Variants in MMAA observed in about 807,000 individuals in gnomAD.
MMAA encodes the protein methylmalonic aciduria type A protein, mitochondrial.
MMAA carries 41 observed loss-of-function variants against 45.0 expected under a neutral mutation model. The observed-to-expected ratio is 0.91, with a 90% CI of 0.71 to 1.18. The LOEUF is 1.18. Among genes scored for constraint, MMAA ranks in the 50% most tolerant of loss-of-function variants. MMAA has a pLI of 0.00. For synonymous variants in MMAA, 154 were observed against 178.2 expected, an observed-to-expected ratio of 0.86 and a Z score of 1.08; for missense variants, 460 against 495.7, an observed-to-expected ratio of 0.93 and a Z score of 0.68.
At chr4:145,628,224 T>C (rs1734244091) in intron 1 of MMAA, among the ~76,000 whole-genome samples, 1 of 152,220 alleles carries the variant, frequency 6.6e-6, no homozygotes, top group Non-Finnish European at 1.5e-5. Flanking sequence ...TTAAAAAAGA[T>C]TTTTTTGGTT....
At chr4:145,633,584 G>A (rs1419701398) in intron 1 of MMAA, among the ~76,000 whole-genome samples, 3 of 152,172 alleles carry the variant, frequency 2.0e-5, no homozygotes, top group Non-Finnish European at 2.9e-5. Context: ...TCCAGGATTG[G>A]TGCCTGGTGC....
chr4:145,640,046 G>A (rs934874129), intron 2 of MMAA, among the ~76,000 whole-genome samples: 5 of 151,802 alleles, frequency 3.3e-5, no homozygotes, highest in African/African-American at 1.2e-4. Flanking sequence ...TGAGTTTCTC[G>A]GAGTGACTGT....
Position 145,624,071 on chromosome 4 carries a change from A to G in MMAA, c.-66+4664A>G, listed in dbSNP as rs185566603. 1.1e-4 allele frequency: 96 copies of G among 836,214 alleles called. No homozygotes were observed. In the East Asian group the frequency reaches 1.8e-3, roughly 16 times the overall value. The allele number at this position is 836,214 out of a possible 1,614,324, so 51.8% of individuals were successfully genotyped here. On this transcript the variant is annotated intron_variant, in intron 1 of 6. Coordinates refer to ENST00000649156, the MANE Select transcript of MMAA (RefSeq NM_172250.3). ...AGAACTAAGCTAACTGGTCAGACCC[A>G]GAAACACAATGATTTGGCAAGCCAC...
intron 4 of MMAA, among the ~76,000 whole-genome samples, chr4:145,648,549 G>A (rs1301615561): frequency 6.6e-6 from 1 of 152,112 alleles, no homozygotes; most frequent in Admixed American, 6.5e-5. Flanking sequence ...TGAATGAAGA[G>A]TTAGTTGCCT....
In MMAA at chr4:145,655,223, T is replaced by A. The variant is rs1425181779; in HGVS notation, c.1046T>A (p.Met349Lys). 6.2e-7 allele frequency: 1 copy of A among 1,614,184 alleles called. No individual in the cohort carries two copies. Among genetic ancestry groups the A allele is most frequent in the Non-Finnish European group, 8.5e-7 (1 of 1,180,016 alleles). ...WDKMKDFQDL[M>K]LASGELTAKR... Reference sequence around the variant, plus strand: ...AAAATGAAAGATTTCCAGGACCTAATGCTTGCCAGTGGGGAGCTGACTGCC... The same window carrying A: ...AAAATGAAAGATTTCCAGGACCTAAAGCTTGCCAGTGGGGAGCTGACTGCC... The change falls in exon 7 of 7, where the codon ATG (methionine) becomes AAG (lysine). Residue 349 changes from methionine (M) to lysine (K), a missense_variant. Coordinates refer to ENST00000649156, the MANE Select transcript of MMAA (RefSeq NM_172250.3).
At chr4:145,654,975 A>G (rs1358992305) in intron 6 of MMAA, among the ~76,000 whole-genome samples, 172 bp from the exon 7 acceptor site, 3 of 152,214 alleles carry the variant, frequency 2.0e-5, no homozygotes, top group Admixed American at 2.0e-4. Context: ...TCCTAGGTAT[A>G]TTACCTCAGA....
intron 3 of MMAA, among the ~76,000 whole-genome samples, chr4:145,644,012 T>C (rs1727862599): frequency 6.6e-6 from 1 of 152,226 alleles, no homozygotes; most frequent in South Asian, 2.1e-4. Context: ...TATAAATTTC[T>C]ACCTTATTGT....
Position 145,655,304 on chromosome 4 carries a change from T to G in MMAA, c.1127T>G (p.Leu376Ter). ...WMWNLIQESV[L>*]EHFRTHPTVR... is the part of the protein sequence containing the mutation. ...TGGAATCTCATTCAGGAAAGTGTGT[T>G]AGAGCATTTCAGGACCCACCCCACA... is the stretch of plus-strand genomic sequence containing the variant. Residue 376 changes from leucine to a stop codon, truncating the protein, a stop_gained, in exon 7 of 7, where the codon TTA becomes TGA. Coordinates refer to ENST00000649156, the MANE Select transcript of MMAA (RefSeq NM_172250.3). LOFTEE classifies it high-confidence loss of function. 1 of 1,614,108 alleles carries G rather than the reference T, an allele frequency of 6.2e-7. No individual in the cohort carries two copies. The highest frequency in any genetic ancestry group is 8.5e-7 in the Non-Finnish European group (1 of 1,180,014).
intron 1 of MMAA, among the ~76,000 whole-genome samples, chr4:145,635,139 G>T (rs1382835869): frequency 1.3e-5 from 2 of 152,060 alleles, no homozygotes; most frequent in African/African-American, 4.8e-5. Flanking sequence ...ACTAGGACTT[G>T]CCTAGGAGTT....
intron 6 of MMAA, among the ~76,000 whole-genome samples, 174 bp from the exon 7 acceptor site, chr4:145,654,973 A>G (rs1728185280): frequency 6.6e-6 from 1 of 152,190 alleles, no homozygotes; most frequent in African/African-American, 2.4e-5. Flanking sequence ...AATCCTAGGT[A>G]TATTACCTCA....
chr4:145,624,648 T>C (rs1214611991), intron 1 of MMAA: 2 of 1,441,558 alleles, frequency 1.4e-6, no homozygotes, highest in East Asian at 4.5e-5. Context: ...GAGCCACATA[T>C]TCAGGGAATC....
rs539704221 is a variant in MMAA, at chr4:145,648,234, G to A, written c.733+2078G>A. On this transcript the variant is annotated intron_variant, in intron 4 of 6. Transcript: ENST00000649156. ...GCAATCTTGGCTCACTGCAACCTCC[G>A]CCTCCTGGGTTCAAATGATTCTCCT... Among the ~76,000 whole-genome samples, 11 of 148,916 alleles carry A rather than the reference G, an allele frequency of 7.4e-5. No individual in the cohort carries two copies. The East Asian group carries it at 2.0e-3, about 27-fold the overall frequency.
chr4:145,619,644 G>C (rs1734051259), intron 1 of MMAA, among the ~76,000 whole-genome samples: 1 of 152,228 alleles, frequency 6.6e-6, no homozygotes, highest in African/African-American at 2.4e-5. Flanking sequence ...AACAAAGAAA[G>C]GCCCTGTACG....
intron 1 of MMAA, among the ~76,000 whole-genome samples, chr4:145,627,270 C>T (rs1391877020): frequency 2.0e-5 from 3 of 152,132 alleles, no homozygotes; most frequent in Non-Finnish European, 4.4e-5. Context: ...TGATTCCTTG[C>T]AAACTTATCT....
At chr4:145,636,381 C>T (rs145345967) in intron 1 of MMAA, among the ~76,000 whole-genome samples, 233 of 152,304 alleles carry the variant, frequency 1.5e-3, no homozygotes, top group African/African-American at 5.1e-3. Context: ...CTCTTGACTT[C>T]GTGTCACTGC....
chr4:145,658,829 T>A lies in MMAA; in HGVS notation c.*3395T>A, dbSNP rs952647555. On this transcript the variant is annotated 3_prime_UTR_variant, in exon 7 of 7. Transcript: ENST00000649156. ...AGTAAACTGTGAAGACAGAAGTAAC[T>A]CCTGTGATCTATATGTTTGTGCAGA... The A allele has an allele frequency of 2.6e-5, 4 of 152,114 alleles. No homozygotes were observed. Among genetic ancestry groups the A allele is most frequent in the Non-Finnish European group, 5.9e-5 (4 of 68,018 alleles). 9.4% of individuals were successfully genotyped at this position (152,114 alleles called of 1,614,324 possible). A position where few individuals can be genotyped will look rare whatever the true frequency, so the allele number is the denominator to read the frequency against.
chr4:145,654,254 T>A (rs867001059), intron 6 of MMAA, 111 bp downstream of exon 6: 6 of 1,322,088 alleles, frequency 4.5e-6, no homozygotes, highest in African/African-American at 4.4e-5. Context: ...TATGTGAAGA[T>A]GATAGTTTTA....
chr4:145,636,346 T>A (rs1253952402), intron 1 of MMAA, among the ~76,000 whole-genome samples: 1 of 152,242 alleles, frequency 6.6e-6, no homozygotes. Flanking sequence ...CTTCCTGAAC[T>A]GGGCTCTGTT....
chr4:145,635,919 G>A (rs1296883820), intron 1 of MMAA, among the ~76,000 whole-genome samples: 1 of 152,164 alleles, frequency 6.6e-6, no homozygotes, highest in Non-Finnish European at 1.5e-5. Flanking sequence ...AATTTATTAA[G>A]TAATGCCTGC....
Sources: allele counts gnomAD v4.1 joint callset (sites outside exome capture counted in the v4.1 genomes callset), GRCh38; gene constraint gnomAD v4.1.1; transcripts MANE v1.5; gene names NCBI Gene and HGNC (gene_info 2026-07-23, HGNC 2026-07-21).